ATP6V0D2: variants seen among roughly 807,000 people sequenced by gnomAD.
ATP6V0D2 encodes the protein V-type proton ATPase subunit d 2.
In ATP6V0D2, 40 loss-of-function variants were observed where a neutral mutation model predicts 40.0. The ratio of observed to expected loss-of-function variants is 1.00; its 90% CI spans 0.78 to 1.30. The LOEUF (loss-of-function observed/expected upper bound fraction) is 1.30. Among genes scored for constraint, ATP6V0D2 ranks in the 50% most tolerant of loss-of-function variants. The probability of loss-of-function intolerance (pLI) is 0.00; values close to 1 mark genes in which losing one functional copy is unlikely to be tolerated. For missense variants in ATP6V0D2, 470 were observed against 423.1 expected (o/e 1.11, Z -0.97); for synonymous variants, 179 against 156.3 (o/e 1.15, Z -1.08).
At chr8:86,103,238 C>A (rs1818427123) in intron 1 of ATP6V0D2, among the ~76,000 whole-genome samples, 1 of 151,818 alleles carries the variant, frequency 6.6e-6, no homozygotes, top group Admixed American at 6.6e-5. Flanking sequence ...CTGCCTCAGC[C>A]TCTCAAGTGG....
intron 2 of ATP6V0D2, among the ~76,000 whole-genome samples, chr8:86,130,957 A>G (rs1818815569): frequency 6.6e-6 from 1 of 151,732 alleles, no homozygotes; most frequent in African/African-American, 2.4e-5. Flanking sequence ...CAGAAATCTT[A>G]ACTCTCCCCT....
intron 2 of ATP6V0D2, among the ~76,000 whole-genome samples, chr8:86,121,604 G>T (rs3076003): frequency 0.18 from 25,552 of 140,908 alleles, 4,549 homozygotes; most frequent in African/African-American, 0.36. Flanking sequence ...AGGAGGAGGA[G>T]GAGGAGGAGG....
At chr8:86,136,743 C>A (rs948215523) in intron 2 of ATP6V0D2, among the ~76,000 whole-genome samples, 14 of 152,114 alleles carry the variant, frequency 9.2e-5, no homozygotes, top group African/African-American at 2.7e-4. Flanking sequence ...GAAACGAATT[C>A]CCTGCCCAGG....
intron 2 of ATP6V0D2, among the ~76,000 whole-genome samples, chr8:86,132,755 C>G (rs1438479810): frequency 6.6e-6 from 1 of 152,138 alleles, no homozygotes; most frequent in Non-Finnish European, 1.5e-5. Context: ...AATTCCATAT[C>G]TTTGTTATCG....
chr8:86,106,461 G>T (rs1384878), intron 1 of ATP6V0D2, among the ~76,000 whole-genome samples: 68,598 of 151,976 alleles, frequency 0.45, 15,717 homozygotes, highest in East Asian at 0.5. Flanking sequence ...TGGTATCTCC[G>T]TGGCCTAACT....
At chr8:86,127,617 C>A (rs544994182) in intron 2 of ATP6V0D2, among the ~76,000 whole-genome samples, 2 of 152,110 alleles carry the variant, frequency 1.3e-5, no homozygotes, top group African/African-American at 4.8e-5. Context: ...AGAGAGGCAC[C>A]TTTGCCATGT....
chr8:86,131,893 G>A (rs923376817), intron 2 of ATP6V0D2, among the ~76,000 whole-genome samples: 1 of 152,114 alleles, frequency 6.6e-6, no homozygotes, highest in South Asian at 2.1e-4. Flanking sequence ...CATTCTATAA[G>A]ACAGCAACCT....
intron 2 of ATP6V0D2, among the ~76,000 whole-genome samples, chr8:86,124,813 G>A (rs896649435): frequency 6.6e-6 from 1 of 152,140 alleles, no homozygotes; most frequent in Admixed American, 6.5e-5. Context: ...ACCAAGCATT[G>A]AGTCCTCTGT....
chr8:86,099,863 T>C (rs535790555), intron 1 of ATP6V0D2, among the ~76,000 whole-genome samples: 106 of 152,338 alleles, frequency 7.0e-4, no homozygotes, highest in African/African-American at 2.4e-3. Flanking sequence ...TATAATCCTG[T>C]GTATTTTCAT....
intron 1 of ATP6V0D2, among the ~76,000 whole-genome samples, chr8:86,105,010 C>T (rs999728932): frequency 1.3e-5 from 2 of 152,146 alleles, no homozygotes; most frequent in African/African-American, 4.8e-5. Context: ...CATCCCTTAT[C>T]CCATGTTCCT....
chr8:86,108,043 T>C (rs549747368), intron 1 of ATP6V0D2, among the ~76,000 whole-genome samples: 7 of 152,326 alleles, frequency 4.6e-5, no homozygotes, highest in Non-Finnish European at 1.0e-4. Flanking sequence ...CCTTAGCAAT[T>C]TATTTTGGAG....
chr8:86,135,767 G>A (rs934564061), intron 2 of ATP6V0D2, among the ~76,000 whole-genome samples: 3 of 152,092 alleles, frequency 2.0e-5, no homozygotes, highest in Non-Finnish European at 2.9e-5. Flanking sequence ...TAACTGAATG[G>A]GTGGCTCTGT....
intron 2 of ATP6V0D2, among the ~76,000 whole-genome samples, chr8:86,124,671 A>G (rs1307075067): frequency 6.6e-6 from 1 of 152,186 alleles, no homozygotes; most frequent in African/African-American, 2.4e-5. Context: ...TCGTAATTAT[A>G]TACAATATAG....
At chr8:86,130,210 G>A (rs189864627) in intron 2 of ATP6V0D2, among the ~76,000 whole-genome samples, 1 of 151,976 alleles carries the variant, frequency 6.6e-6, no homozygotes, top group Admixed American at 6.6e-5. Flanking sequence ...AATTCTTTGT[G>A]CTCTTTTTTA....
At chr8:86,107,733 C>T (rs1023143617) in intron 1 of ATP6V0D2, among the ~76,000 whole-genome samples, 8 of 152,098 alleles carry the variant, frequency 5.3e-5, no homozygotes, top group Non-Finnish European at 1.0e-4. Flanking sequence ...GAGAAATGAG[C>T]CTGGGAAAAT....
rs115796594 is a variant in ATP6V0D2, at chr8:86,146,983, T to G, written c.640-3129T>G. Reference sequence around the variant, plus strand: ...TCAGCTTACATGTGAAAATTTGACCTAATTACAAGATTATAACTTCATATG... The same window carrying G: ...TCAGCTTACATGTGAAAATTTGACCGAATTACAAGATTATAACTTCATATG... On this transcript the variant is annotated intron_variant, in intron 5 of 7. Transcript: ENST00000285393. Among the ~76,000 whole-genome samples the G allele has an allele frequency of 4.8e-3, 709 of 146,538 alleles. 3 individuals carry two copies. Among genetic ancestry groups the G allele is most frequent in the African/African-American group, 0.017 (681 of 39,100 alleles).
chr8:86,130,704 G>A (rs577199610), intron 2 of ATP6V0D2, among the ~76,000 whole-genome samples: 4 of 152,130 alleles, frequency 2.6e-5, no homozygotes, highest in East Asian at 1.9e-4. Context: ...CCTGGCAGAC[G>A]CACCCTGAGA....
At chr8:86,151,924 A>T (rs4599790) in intron 7 of ATP6V0D2, among the ~76,000 whole-genome samples, 39,880 of 149,776 alleles carry the variant, frequency 0.27, 5,683 homozygotes, top group Admixed American at 0.32. Context: ...TTTCTTTTTT[A>T]AAAAAAAAAT....
chr8:86,135,598 AC>A lies in ATP6V0D2; in HGVS notation c.303-3858del, dbSNP rs1586098303. ...TGAGAGTGTGCATATAATTACTGCC[AC>A]ATAGTAAAAACTTCAAAAAGAATCA... is the stretch of plus-strand genomic sequence containing the variant. On this transcript the variant is annotated intron_variant, in intron 2 of 7. Coordinates refer to ENST00000285393, the MANE Select transcript of ATP6V0D2 (RefSeq NM_152565.1). 2.0e-5 allele frequency among the ~76,000 whole-genome samples: 3 copies of A among 152,350 alleles called. No homozygotes were observed. In the East Asian group the frequency reaches 5.8e-4, roughly 29 times the overall value.
Sources: gnomAD v4.1 joint callset for allele counts (sites outside exome capture counted in the v4.1 genomes callset) on GRCh38, gnomAD v4.1.1 for gene constraint, MANE v1.5 for transcripts, NCBI Gene and HGNC (gene_info 2026-07-23, HGNC 2026-07-21) for gene names.